The following CCDC141 variants were observed in gnomAD, a reference collection of about 807,000 sequenced individuals.
The protein encoded by CCDC141 is coiled-coil domain-containing protein 141.
In CCDC141, 168 loss-of-function variants were observed where a neutral mutation model predicts 181.0. The observed-to-expected ratio is 0.93, with a 90% confidence interval of 0.82 to 1.05. The LOEUF is 1.05. CCDC141 is among the 50% of genes least tolerant of loss of function. CCDC141 has a pLI of 0.00. For missense variants in CCDC141, 1,902 were observed against 1,788.5 expected (o/e 1.06, Z -1.14); for synonymous variants, 666 against 642.3 (o/e 1.04, Z -0.56).
chr2:178,991,783 C>A (rs1002061223), intron 2 of CCDC141, among the ~76,000 whole-genome samples: 5 of 152,072 alleles, frequency 3.3e-5, no homozygotes, highest in African/African-American at 1.2e-4. Flanking sequence ...CAAAATATCA[C>A]ATGTACCCCA....
At chr2:179,015,854 A>C (rs1483926941) in intron 2 of CCDC141, among the ~76,000 whole-genome samples, 10 of 132,180 alleles carry the variant, frequency 7.6e-5, no homozygotes, top group Non-Finnish European at 1.3e-4. Flanking sequence ...TATATCTCAT[A>C]TATATCTCAT....
chr2:179,023,655 C>T (rs920074482), intron 2 of CCDC141, among the ~76,000 whole-genome samples: 9 of 152,162 alleles, frequency 5.9e-5, no homozygotes, highest in African/African-American at 2.2e-4. Context: ...TTGAAAAGAA[C>T]TTAATGTGCA....
At chr2:179,045,368 T>A (rs1441227658) in intron 2 of CCDC141, among the ~76,000 whole-genome samples, 1 of 146,652 alleles carries the variant, frequency 6.8e-6, no homozygotes, top group Non-Finnish European at 1.5e-5. Context: ...CTGCATAGTA[T>A]TCCATGGTGT....
intron 5 of CCDC141, among the ~76,000 whole-genome samples, chr2:178,945,002 A>G (rs963175731): frequency 5.3e-5 from 8 of 152,300 alleles, no homozygotes; most frequent in Non-Finnish European, 8.8e-5. Flanking sequence ...GGAAATGAAT[A>G]TGAATCTAAG....
chr2:179,001,591 G>C (rs1465990109), intron 2 of CCDC141, among the ~76,000 whole-genome samples: 1 of 152,152 alleles, frequency 6.6e-6, no homozygotes, highest in Admixed American at 6.5e-5. Flanking sequence ...ATGGAGGGCT[G>C]TGCTAGATAG....
chr2:178,973,750 T>G (rs1691001405), intron 4 of CCDC141, among the ~76,000 whole-genome samples: 1 of 152,212 alleles, frequency 6.6e-6, no homozygotes, highest in Non-Finnish European at 1.5e-5. Flanking sequence ...AATAATAGCA[T>G]CCATCATTGT....
intron 6 of CCDC141, among the ~76,000 whole-genome samples, chr2:178,929,732 T>A (rs1360174145): frequency 6.6e-6 from 1 of 152,140 alleles, no homozygotes; most frequent in East Asian, 1.9e-4. Context: ...GACCCAGTAT[T>A]CTGACTCTAT....
At chr2:178,834,567 T>C (rs1684398601) in intron 23 of CCDC141, 127 bp from the exon 24 acceptor site, 2 of 1,050,998 alleles carry the variant, frequency 1.9e-6, no homozygotes, top group Admixed American at 2.8e-5. Context: ...AGGAACCTTG[T>C]AGCCACAACA....
At chr2:179,006,870 C>A (rs1244114861) in intron 2 of CCDC141, among the ~76,000 whole-genome samples, 5 of 151,906 alleles carry the variant, frequency 3.3e-5, no homozygotes, top group African/African-American at 9.7e-5. Flanking sequence ...TGATTTTTTT[C>A]TTTTCTTTTT....
At chr2:178,962,451 G>C (rs1291718311) in intron 4 of CCDC141, among the ~76,000 whole-genome samples, 1 of 152,066 alleles carries the variant, frequency 6.6e-6, no homozygotes, top group Admixed American at 6.5e-5. Context: ...ACTTCTCTCT[G>C]TCCTCACCAT....
Position 178,855,383 on chromosome 2 carries a change from C to T in CCDC141, c.3024G>A (p.Leu1008=), listed in dbSNP as rs763392249. The change falls in exon 19 of 24, where the codon TTG becomes TTA. Residue 1008 remains leucine (L), a synonymous_variant. Transcript: ENST00000443758. ...DKVVTDYKKN[L]DLTEHFQEVI... ...CCTCCTGGAAATGCTCAGTCAGGTC[C>T]AAATTCTTCTTGTAATCTGTCACAA... The T allele has an allele frequency of 5.6e-6, 9 of 1,611,740 alleles. No homozygotes were observed. The South Asian group carries it at 1.0e-4, about 18-fold the overall frequency.
intron 18 of CCDC141, 29 bp from the exon 19 acceptor site, chr2:178,855,570 C>G: frequency 6.8e-7 from 1 of 1,476,412 alleles, no homozygotes; most frequent in South Asian, 1.3e-5. Context: ...GTTTTTTAAA[C>G]AACATTCAAT....
At chr2:178,820,245 C>A in the CCDC141 span, among the ~76,000 whole-genome samples, 2 of 152,218 alleles carry the variant, frequency 1.3e-5, no homozygotes, top group South Asian at 4.1e-4. Context: ...TGGCTCTGAC[C>A]TGTGAGCTAC....
At chr2:179,025,579 A>G (rs1239054881) in intron 2 of CCDC141, among the ~76,000 whole-genome samples, 1 of 152,194 alleles carries the variant, frequency 6.6e-6, no homozygotes, top group Non-Finnish European at 1.5e-5. Flanking sequence ...TCTTTTGTAA[A>G]TTGCCTAGTC....
chr2:178,947,419 G>C (rs1317651613), intron 5 of CCDC141, among the ~76,000 whole-genome samples: 1 of 152,160 alleles, frequency 6.6e-6, no homozygotes, highest in Admixed American at 6.5e-5. Context: ...ACTGGAAATT[G>C]GTTCTGGGCA....
At chr2:178,966,832 G>A (rs1047029786) in intron 4 of CCDC141, among the ~76,000 whole-genome samples, 25 of 151,826 alleles carry the variant, frequency 1.6e-4, no homozygotes, top group Admixed American at 6.6e-4. Context: ...CTAACCCAAT[G>A]CAAGGAAGCT....
chr2:179,013,722 C>T (rs1213717912), intron 2 of CCDC141, among the ~76,000 whole-genome samples: 1 of 151,900 alleles, frequency 6.6e-6, no homozygotes, highest in Non-Finnish European at 1.5e-5. Context: ...AATTCCAGCA[C>T]TTTGGGAGGC....
chr2:178,961,733 G>C (rs187704146), intron 4 of CCDC141, among the ~76,000 whole-genome samples: 15 of 152,342 alleles, frequency 9.8e-5, no homozygotes, highest in Admixed American at 9.8e-4. Flanking sequence ...TTCAGCAATT[G>C]TGTGATTCAG....
At chr2:178,896,720 C>T (rs937005886) in intron 8 of CCDC141, among the ~76,000 whole-genome samples, 4 of 152,296 alleles carry the variant, frequency 2.6e-5, no homozygotes, top group Non-Finnish European at 5.9e-5. Flanking sequence ...TTCAAGTACT[C>T]ACACCAACCC....
Sources: gnomAD v4.1 joint callset for allele counts (sites outside exome capture counted in the v4.1 genomes callset) on GRCh38, gnomAD v4.1.1 for gene constraint, MANE v1.5 for transcripts, NCBI Gene and HGNC (gene_info 2026-07-23, HGNC 2026-07-21) for gene names.